Variants in RPH3A observed in about 807,000 individuals in gnomAD.
RPH3A encodes the protein rabphilin-3A.
RPH3A carries 48 observed loss-of-function variants against 102.2 expected under a neutral mutation model. The observed-to-expected ratio is 0.47, with a 90% CI of 0.37 to 0.60. The LOEUF (loss-of-function observed/expected upper bound fraction) is 0.60, where lower values mean the gene tolerates loss of function less well. RPH3A is among the 20% of genes least tolerant of loss of function. RPH3A has a pLI of 0.00. For missense variants in RPH3A, 781 were observed against 910.1 expected, an observed-to-expected ratio of 0.86 and a Z score of 1.83; for synonymous variants, 310 against 324.3, an observed-to-expected ratio of 0.96 and a Z score of 0.47.
At chr12:112,814,747 C>T (rs2041640265) in intron 2 of RPH3A, among the ~76,000 whole-genome samples, 1 of 152,184 alleles carries the variant, frequency 6.6e-6, no homozygotes, top group African/African-American at 2.4e-5. Context: ...GCCCACCTCA[C>T]AGGATAGTGG....
At chr12:112,780,797 C>A (rs186024144) in intron 1 of RPH3A, among the ~76,000 whole-genome samples, 1 of 152,160 alleles carries the variant, frequency 6.6e-6, no homozygotes, top group African/African-American at 2.4e-5. Flanking sequence ...AACAAGGAGA[C>A]GCGATTTTGT....
intron 13 of RPH3A, among the ~76,000 whole-genome samples, chr12:112,878,296 C>T (rs1403408586): frequency 6.6e-6 from 1 of 152,204 alleles, no homozygotes; most frequent in African/African-American, 2.4e-5. Context: ...CCCCAACCCA[C>T]CAAGCATAGA....
chr12:112,819,594 C>T (rs1333626119), intron 2 of RPH3A, among the ~76,000 whole-genome samples: 6 of 152,200 alleles, frequency 3.9e-5, no homozygotes, highest in Admixed American at 1.3e-4. Context: ...AAAATAGTGG[C>T]TTAGAACAAC....
intron 1 of RPH3A, among the ~76,000 whole-genome samples, chr12:112,613,206 T>C (rs746101446): frequency 1.3e-5 from 2 of 152,192 alleles, no homozygotes; most frequent in Non-Finnish European, 2.9e-5. Flanking sequence ...TGGGTCATTG[T>C]TGAGATTGAA....
intron 4 of RPH3A, among the ~76,000 whole-genome samples, chr12:112,844,625 C>T (rs1802982409): frequency 6.6e-6 from 1 of 152,168 alleles, no homozygotes; most frequent in Non-Finnish European, 1.5e-5. Context: ...TTTAAGCCCC[C>T]ACATTTGTAA....
intron 17 of RPH3A, among the ~76,000 whole-genome samples, chr12:112,889,275 C>G (rs542830526): frequency 2.0e-5 from 3 of 152,212 alleles, no homozygotes; most frequent in African/African-American, 7.2e-5. Context: ...TCTCCAACTC[C>G]GTGAGTCCAG....
At chr12:112,896,569 G>GT (rs1266139887) in intron 21 of RPH3A, 81 bp from the exon 22 acceptor site, 13 of 1,562,662 alleles carry the variant, frequency 8.3e-6, no homozygotes, top group East Asian at 2.3e-5. Context: ...GCTTGGTGCA[G>GT]TTTTTTCCCC....
intron 1 of RPH3A, among the ~76,000 whole-genome samples, chr12:112,741,266 A>G (rs2040707295): frequency 6.6e-6 from 1 of 152,014 alleles, no homozygotes; most frequent in Non-Finnish European, 1.5e-5. Flanking sequence ...TTTCTCATCA[A>G]TTGCCTTTCC....
chr12:112,798,690 CCT>C (rs1206108247), intron 2 of RPH3A, among the ~76,000 whole-genome samples: 4 of 152,118 alleles, frequency 2.6e-5, no homozygotes, highest in African/African-American at 9.7e-5. Flanking sequence ...CTGTGTTTTT[CCT>C]CTGTCACTGT....
intron 3 of RPH3A, 109 bp from the exon 4 acceptor site, chr12:112,836,382 C>G (rs564364158): frequency 7.5e-6 from 4 of 530,408 alleles, no homozygotes; most frequent in South Asian, 6.7e-5. Flanking sequence ...AGTAGGTCAT[C>G]ATAATTCAAG....
chr12:112,680,945 C>T (rs931059624), intron 1 of RPH3A, among the ~76,000 whole-genome samples: 3 of 152,010 alleles, frequency 2.0e-5, no homozygotes, highest in African/African-American at 4.8e-5. Context: ...TTCTTCTTCT[C>T]CAATCCCCTC....
At chr12:112,767,311 T>C (rs1244705179) in intron 1 of RPH3A, among the ~76,000 whole-genome samples, 1 of 152,198 alleles carries the variant, frequency 6.6e-6, no homozygotes, top group Non-Finnish European at 1.5e-5. Context: ...TGGCATCCTC[T>C]CCTACCCCTT....
At chr12:112,747,283 T>C (rs2040755215) in intron 1 of RPH3A, among the ~76,000 whole-genome samples, 1 of 152,170 alleles carries the variant, frequency 6.6e-6, no homozygotes, top group Non-Finnish European at 1.5e-5. Flanking sequence ...AGTGCTCTTA[T>C]GAAAGAGGCC....
Position 112,898,212 on chromosome 12 carries a change from T to A in RPH3A, c.*1432T>A, listed in dbSNP as rs1326196618. On this transcript the variant is annotated 3_prime_UTR_variant, in exon 22 of 22. Coordinates refer to ENST00000389385, the MANE Select transcript of RPH3A (RefSeq NM_001143854.2). Reference sequence around the variant, plus strand: ...TCATCAATCTTTCACTTTCTTCCTATAAAAAAAATTATTTTATAAAGGAGG... The same window carrying A: ...TCATCAATCTTTCACTTTCTTCCTAAAAAAAAAATTATTTTATAAAGGAGG... 1 of 152,036 alleles carries A rather than the reference T, an allele frequency of 6.6e-6. No individual in the cohort carries two copies. The highest frequency in any genetic ancestry group is 1.5e-5 in the Non-Finnish European group (1 of 67,994). 9.4% of individuals were successfully genotyped at this position (152,036 alleles called of 1,614,324 possible).
upstream of RPH3A, among the ~76,000 whole-genome samples, chr12:112,787,499 C>A (rs1489830042): frequency 2.0e-5 from 3 of 152,220 alleles, no homozygotes; most frequent in African/African-American, 7.2e-5. Flanking sequence ...ACACAACCTC[C>A]TTTCACTGTT....
At chr12:112,788,491 T>C (rs113651828), upstream of RPH3A, among the ~76,000 whole-genome samples, 7,054 of 152,332 alleles carry the variant, frequency 0.046, 207 homozygotes, top group Middle Eastern at 0.071. Context: ...TCCCTGCCTC[T>C]GCTGCTCCCT....
At chr12:112,660,164 A>G (rs543539698) in intron 1 of RPH3A, among the ~76,000 whole-genome samples, 10 of 152,338 alleles carry the variant, frequency 6.6e-5, no homozygotes, top group South Asian at 4.1e-4. Context: ...GCATTGATAA[A>G]TATATACATA....
intron 1 of RPH3A, among the ~76,000 whole-genome samples, chr12:112,748,472 T>C (rs898194023): frequency 1.3e-5 from 2 of 152,172 alleles, no homozygotes; most frequent in Non-Finnish European, 2.9e-5. Context: ...TAGCTAGGAC[T>C]ACTGGCACAT....
At chr12:112,835,747 T>C (rs1475715545) in intron 3 of RPH3A, among the ~76,000 whole-genome samples, 3 of 152,226 alleles carry the variant, frequency 2.0e-5, no homozygotes, top group African/African-American at 7.2e-5. Context: ...CCTGCTTTTG[T>C]TATTTTCAAA....
Sources: allele counts gnomAD v4.1 joint callset (sites outside exome capture counted in the v4.1 genomes callset), GRCh38; gene constraint gnomAD v4.1.1; transcripts MANE v1.5; gene names NCBI Gene and HGNC (gene_info 2026-07-23, HGNC 2026-07-21).